Variants in RUBCNL observed in about 807,000 individuals in gnomAD.
The protein encoded by RUBCNL is protein associated with UVRAG as autophagy enhancer.
A neutral mutation model predicts 69.5 loss-of-function variants in RUBCNL; 62 were observed. That is an observed-to-expected ratio of 0.89 (90% CI 0.73 to 1.10). RUBCNL has a LOEUF of 1.10. Ranked by LOEUF, RUBCNL falls within the 50% of genes least tolerant of loss-of-function variation. The probability of loss-of-function intolerance (pLI) is 0.00; values close to 1 mark genes in which losing one functional copy is unlikely to be tolerated. For synonymous variants in RUBCNL, 291 were observed against 303.6 expected (o/e 0.96, Z 0.43); for missense variants, 768 against 798.1 (o/e 0.96, Z 0.45).
At chr13:46,356,778 A>G (rs1310677975) in intron 9 of RUBCNL, among the ~76,000 whole-genome samples, 1 of 151,722 alleles carries the variant, frequency 6.6e-6, no homozygotes, top group Non-Finnish European at 1.5e-5. Context: ...ATCATAGTTC[A>G]CTACTGCCTC....
chr13:46,356,609 T>C (rs1456693797), intron 9 of RUBCNL, 113 bp from the exon 10 acceptor site: 1 of 784,732 alleles, frequency 1.3e-6, no homozygotes, highest in Non-Finnish European at 2.1e-6. Flanking sequence ...GGCCTTAACT[T>C]TGTCACTTTT....
At chr13:46,368,462 C>T in intron 4 of RUBCNL, 1 of 985,320 alleles carries the variant, frequency 1.0e-6, no homozygotes, top group Non-Finnish European at 1.2e-6. Flanking sequence ...ACGGACAACT[C>T]AAATTGGATT....
chr13:46,356,458 G>A lies in RUBCNL; in HGVS notation c.1304C>T (p.Ala435Val). Residue 435 changes from alanine (A) to valine (V), a missense_variant, in exon 10 of 15, where the codon GCC becomes GTC. Physicochemically the swap from Ala to Val is moderately conservative, Grantham distance 64. Coordinates refer to ENST00000429979, the MANE Select transcript of RUBCNL (RefSeq NM_025113.5). The stretch of plus-strand genomic sequence containing the variant: ...AGGCTCTACTGGAGTTCCACAGCCG[G>A]CACAGAAAAAATTCTGGGCTGCCAC... ...LVVAAQNFFC[A>V]GCGTPVEPKF... 1.9e-6 allele frequency: 3 copies of A among 1,613,852 alleles called. No individual in the cohort carries two copies. The highest frequency in any genetic ancestry group is 4.5e-5 in the East Asian group (2 of 44,884).
At chr13:46,367,945 GA>G in intron 5 of RUBCNL, 96 bp downstream of exon 5, 1 of 1,152,446 alleles carries the variant, frequency 8.7e-7, no homozygotes, top group Non-Finnish European at 1.3e-6. Context: ...CTTCCACTGG[GA>G]GTCTTGGAAT....
At chr13:46,379,445 T>C (rs931092606) in intron 1 of RUBCNL, among the ~76,000 whole-genome samples, 4 of 152,228 alleles carry the variant, frequency 2.6e-5, no homozygotes, top group Non-Finnish European at 4.4e-5. Context: ...GTGGCAATAA[T>C]AGGTGTTCAA....
At position 46,335,634 on chromosome 13, in the gene RUBCNL, A is replaced by G. The variant is rs1389638802; in HGVS notation, c.*7751T>C. 1.3e-5 allele frequency among the ~76,000 whole-genome samples: 2 copies of G among 152,224 alleles called. No homozygotes were observed. The highest frequency in any genetic ancestry group is 2.4e-5 in the African/African-American group (1 of 41,458). On this transcript the variant is annotated 3_prime_UTR_variant, in exon 15 of 15. Coordinates refer to ENST00000429979, the MANE Select transcript of RUBCNL (RefSeq NM_025113.5). Reference sequence around the variant, plus strand: ...ACGTAGTTCAATCTAATAGAAGTTCAGGAGAGAGATGGTGGCTTGTACTGT... The same window carrying G: ...ACGTAGTTCAATCTAATAGAAGTTCGGGAGAGAGATGGTGGCTTGTACTGT...
chr13:46,354,652 G>T (rs1179145219), intron 10 of RUBCNL: 4 of 395,924 alleles, frequency 1.0e-5, no homozygotes, highest in African/African-American at 8.3e-5. Context: ...ACTTTCCGAT[G>T]AAACCTCTTA....
chr13:46,349,238 T>C (rs377355659), intron 12 of RUBCNL, 48 bp downstream of exon 12: 1 of 1,536,570 alleles, frequency 6.5e-7, no homozygotes, highest in Non-Finnish European at 9.0e-7. Context: ...CTAATAGGAT[T>C]AGCAGATGTA....
At chr13:46,354,893 C>CGATA (rs1219099713) in intron 10 of RUBCNL, 1 of 456,028 alleles carries the variant, frequency 2.2e-6, no homozygotes, top group Non-Finnish European at 4.4e-6. Flanking sequence ...GTTGGTGGAG[C>CGATA]GATAGTCATA....
chr13:46,366,321 G>A (rs2048753811), intron 5 of RUBCNL, among the ~76,000 whole-genome samples: 1 of 152,206 alleles, frequency 6.6e-6, no homozygotes, highest in South Asian at 2.1e-4. Context: ...GATGTGACCT[G>A]GCTGAGTGGT....
chr13:46,338,370 T>C lies in RUBCNL; in HGVS notation c.*5015A>G, dbSNP rs2048117720. On this transcript the variant is annotated 3_prime_UTR_variant, in exon 15 of 15. Coordinates refer to ENST00000429979, the MANE Select transcript of RUBCNL (RefSeq NM_025113.5). The stretch of plus-strand genomic sequence containing the variant: ...CCCCTGCCCCTCTCTCTTCCCACTT[T>C]GGCTCCATCCTACAAGCAGCTGCCC... Among the ~76,000 whole-genome samples the C allele has an allele frequency of 6.6e-6, 1 of 152,160 alleles. No individual in the cohort carries two copies. Among genetic ancestry groups the C allele is most frequent in the African/African-American group, 2.4e-5 (1 of 41,430 alleles).
At chr13:46,349,046 C>T (rs1779996901) in intron 12 of RUBCNL, among the ~76,000 whole-genome samples, 1 of 152,196 alleles carries the variant, frequency 6.6e-6, no homozygotes, top group South Asian at 2.1e-4. Flanking sequence ...GTCAATTAAA[C>T]CTCTTTCCTT....
intron 5 of RUBCNL, among the ~76,000 whole-genome samples, chr13:46,365,341 T>C (rs1247477461): frequency 6.8e-6 from 1 of 147,338 alleles, no homozygotes; most frequent in East Asian, 2.0e-4. Flanking sequence ...ATGAAGGAGC[T>C]GAGATACGAA....
intron 1 of RUBCNL, among the ~76,000 whole-genome samples, chr13:46,381,195 C>A (rs904824371): frequency 2.6e-5 from 4 of 152,012 alleles, no homozygotes; most frequent in African/African-American, 9.7e-5. Flanking sequence ...TCATAATAGC[C>A]AAAAAGTGGA....
rs1279319560 is a variant in RUBCNL, at chr13:46,372,417, C to T, written c.59G>A (p.Ser20Asn). ...DSPVEPWEGI[S>N]DHSGIIDGSP... Reference sequence around the variant, plus strand: ...ACCATCAATAATGCCAGAGTGATCGCTGATCCCTTCCCAGGGCTCCACAGG... The same window carrying T: ...ACCATCAATAATGCCAGAGTGATCGTTGATCCCTTCCCAGGGCTCCACAGG... The change falls in exon 3 of 15, where the codon AGC becomes AAC. Residue 20 changes from serine to asparagine, a missense_variant. By Grantham distance (46) the Ser-to-Asn change is conservative. Coordinates refer to ENST00000429979, the MANE Select transcript of RUBCNL (RefSeq NM_025113.5). The T allele has an allele frequency of 9.9e-6, 16 of 1,612,854 alleles. No homozygotes were observed. In the Admixed American group the frequency reaches 1.0e-4, roughly 10 times the overall value.
intron 9 of RUBCNL, among the ~76,000 whole-genome samples, chr13:46,358,191 T>C (rs1211901567): frequency 6.6e-6 from 1 of 152,138 alleles, no homozygotes; most frequent in Non-Finnish European, 1.5e-5. Flanking sequence ...CTTGGCATTC[T>C]CTCAAAAAAA....
At chr13:46,370,013 T>C (rs1196203043) in intron 3 of RUBCNL, among the ~76,000 whole-genome samples, 2 of 152,202 alleles carry the variant, frequency 1.3e-5, no homozygotes, top group Non-Finnish European at 2.9e-5. Flanking sequence ...TCTGCCGCTG[T>C]AGTGAGAAAG....
At position 46,386,220 on chromosome 13, in the gene RUBCNL, G is replaced by A. The variant is rs3742268; in HGVS notation, c.-239+914C>T. On this transcript the variant is annotated intron_variant, in intron 1 of 14. Transcript: ENST00000429979. The stretch of plus-strand genomic sequence containing the variant: ...GGTATGGCTGGAGTATTCTCCCCCT[G>A]AGGCAAGGGAACTGAAGTTCAAGAA... Among the ~76,000 whole-genome samples the A allele has an allele frequency of 0.029, 4,454 of 151,412 alleles. 353 individuals carry two copies. The East Asian group carries it at 0.33, about 11-fold the overall frequency.
In RUBCNL at chr13:46,372,318, CAGA is replaced by C. The variant is rs768339360; in HGVS notation, c.155_157del (p.Val52_Trp53delinsGly). 3.1e-6 allele frequency: 5 copies of C among 1,613,996 alleles called. No homozygotes were observed. In the African/African-American group the frequency reaches 6.7e-5, roughly 22 times the overall value. On this transcript the variant is annotated inframe_deletion, in exon 3 of 15. Coordinates refer to ENST00000429979, the MANE Select transcript of RUBCNL (RefSeq NM_025113.5). ...TTGCTGCACATCCTGGGGGTTAATC[CAGA>C]CAGCTTTGTGCCTCATGAGCCTGAT...
Sources: gnomAD v4.1 joint callset for allele counts (sites outside exome capture counted in the v4.1 genomes callset) on GRCh38, gnomAD v4.1.1 for gene constraint, MANE v1.5 for transcripts, NCBI Gene and HGNC (gene_info 2026-07-23, HGNC 2026-07-21) for gene names.